The following TLR4 variants were observed in gnomAD, a reference collection of about 807,000 sequenced individuals.
TLR4 encodes toll-like receptor 4.
Under a neutral mutation model 27.4 loss-of-function variants are expected in TLR4, and 17 were observed. That is an observed-to-expected ratio of 0.62 (90% CI 0.42 to 0.93). TLR4 has a LOEUF of 0.93. Ranked by LOEUF, TLR4 falls within the 40% of genes least tolerant of loss-of-function variation. The pLI is 0.00. For synonymous variants in TLR4, 363 were observed against 365.7 expected, an observed-to-expected ratio of 0.99 and a Z score of 0.08; for missense variants, 926 against 962.3, an observed-to-expected ratio of 0.96 and a Z score of 0.50.
chr9:117,718,848 C>T lies in TLR4; in HGVS notation c.*4200C>T, dbSNP rs1369850423. The T allele has an allele frequency of 6.6e-6, 1 of 152,212 alleles. No homozygotes were observed. Among genetic ancestry groups the T allele is most frequent in the East Asian group, 1.9e-4 (1 of 5,192 alleles). The allele number at this position is 152,212 out of a possible 1,614,324, so 9.4% of individuals were successfully genotyped here. A position where few individuals can be genotyped will look rare whatever the true frequency, so the allele number is the denominator to read the frequency against. On this transcript the variant is annotated 3_prime_UTR_variant, in exon 3 of 3. Coordinates refer to ENST00000355622, the MANE Select transcript of TLR4 (RefSeq NM_138554.5). ...CTAAAGTAATTGCTATTTTTCCAGC[C>T]TGTGGAACCACAGAAGTGACTGTAA...
chr9:117,708,485 C>G, intron 1 of TLR4, 78 bp from the exon 2 acceptor site: 1 of 1,608,146 alleles, frequency 6.2e-7, no homozygotes, highest in South Asian at 1.1e-5. Context: ...AGGCCCCTCT[C>G]CACCATCTCT....
Position 117,723,608 on chromosome 9 carries a change from C to T in TLR4, c.*8960C>T, listed in dbSNP as rs1392791479. 2.0e-5 allele frequency: 3 copies of T among 152,112 alleles called. No individual in the cohort carries two copies. The highest frequency in any genetic ancestry group is 7.2e-5 in the African/African-American group (3 of 41,434). The allele number at this position is 152,112 out of a possible 1,614,324, so 9.4% of individuals were successfully genotyped here. A position where few individuals can be genotyped will look rare whatever the true frequency, so the allele number is the denominator to read the frequency against. On this transcript the variant is annotated 3_prime_UTR_variant, in exon 3 of 3. Coordinates refer to ENST00000355622, the MANE Select transcript of TLR4 (RefSeq NM_138554.5). ...AGTTATTATGATAACAGATTGAAAA[C>T]TCCTCCAAGGAGGAGTTTCTCTTTT...
rs762187595 is a variant in TLR4, at chr9:117,704,499, GACTCTGATCCCAGCC to G, written c.29_43del (p.Thr10_Ala14del). On this transcript the variant is annotated inframe_deletion, in exon 1 of 3. Transcript: ENST00000355622. ...TGATGTCTGCCTCGCGCCTGGCTGG[GACTCTGATCCCAGCC>G]ATGGCCTTCCTCTCCTGCGTGAGAC... 3.1e-6 allele frequency: 5 copies of G among 1,613,692 alleles called. No homozygotes were observed. The highest frequency in any genetic ancestry group is 4.2e-6 in the Non-Finnish European group (5 of 1,179,954).
At position 117,714,223 on chromosome 9, in the gene TLR4, G is replaced by A. The variant is rs776282454; in HGVS notation, c.2095G>A (p.Gly699Arg). 2 of 1,605,950 alleles carry A rather than the reference G, an allele frequency of 1.2e-6. No homozygotes were observed. The highest frequency in any genetic ancestry group is 1.7e-6 in the Non-Finnish European group (2 of 1,173,190). The change falls in exon 3 of 3, where the codon GGG (glycine) becomes AGG (arginine). Residue 699 changes from glycine (G) to arginine (R), a missense_variant. Coordinates refer to ENST00000355622, the MANE Select transcript of TLR4 (RefSeq NM_138554.5). Reference sequence around the variant, plus strand: ...TGAGCTAGTAAAGAATTTAGAAGAAGGGGTGCCTCCATTTCAGCTCTGCCT... The same window carrying A: ...TGAGCTAGTAAAGAATTTAGAAGAAAGGGTGCCTCCATTTCAGCTCTGCCT... ...RNELVKNLEE[G>R]VPPFQLCLHY...
chr9:117,714,666 C>T lies in TLR4; in HGVS notation c.*18C>T, dbSNP rs1287808873. ...CTATCTGAAGAGGAAAAATAAAAAC[C>T]TCCTGAGGCATTTCTTGCCCAGCTG... On this transcript the variant is annotated 3_prime_UTR_variant, in exon 3 of 3. Transcript: ENST00000355622. 6.2e-7 allele frequency: 1 copy of T among 1,607,892 alleles called. No individual in the cohort carries two copies.
At position 117,723,368 on chromosome 9, in the gene TLR4, T is replaced by C. The variant is rs1829443706; in HGVS notation, c.*8720T>C. 6.6e-6 allele frequency: 1 copy of C among 152,208 alleles called. No individual in the cohort carries two copies. The highest frequency in any genetic ancestry group is 1.5e-5 in the Non-Finnish European group (1 of 68,038). The allele number at this position is 152,208 out of a possible 1,614,324, so 9.4% of individuals were successfully genotyped here. On this transcript the variant is annotated 3_prime_UTR_variant, in exon 3 of 3. Transcript: ENST00000355622. ...TTAAGCTATCAACCCCATTGAGTTATAGGTGAAAGGCTGTGGAAACAAGAC... is the reference window on the plus strand; with the variant it reads ...TTAAGCTATCAACCCCATTGAGTTACAGGTGAAAGGCTGTGGAAACAAGAC...
chr9:117,713,137 T>A lies in TLR4; in HGVS notation c.1009T>A (p.Leu337Ile). The A allele has an allele frequency of 1.2e-6, 2 of 1,613,200 alleles. No homozygotes were observed. The highest frequency in any genetic ancestry group is 1.7e-6 in the Non-Finnish European group (2 of 1,179,388). ...TAATTTCGGATGGCAACATTTAGAA[T>A]TAGTTAACTGTAAATTTGGACAGTT... ...SYNFGWQHLE[L>I]VNCKFGQFPT... Residue 337 changes from leucine (L) to isoleucine (I), a missense_variant, in exon 3 of 3, where the codon TTA becomes ATA. Leu to Ile is a conservative substitution (Grantham distance 5, BLOSUM62 2). Coordinates refer to ENST00000355622, the MANE Select transcript of TLR4 (RefSeq NM_138554.5).
rs1213607100 is a variant in TLR4 at position 117,723,199 on chromosome 9, A to T, written c.*8551A>T. 6.6e-6 allele frequency: 1 copy of T among 152,194 alleles called. No individual in the cohort carries two copies. Among genetic ancestry groups the T allele is most frequent in the African/African-American group, 2.4e-5 (1 of 41,438 alleles). 9.4% of individuals were successfully genotyped at this position (152,194 alleles called of 1,614,324 possible). ...CTATGATTAGAGGTGTAACTTCATC[A>T]TCCAGATTTTCCAGCATCCTTAACA... is the stretch of plus-strand genomic sequence containing the variant. On this transcript the variant is annotated 3_prime_UTR_variant, in exon 3 of 3. Transcript: ENST00000355622.
chr9:117,708,072 A>G (rs1829165680), intron 1 of TLR4: 2 of 475,914 alleles, frequency 4.2e-6, no homozygotes, highest in Non-Finnish European at 5.6e-6. Context: ...TATCCTTCCA[A>G]TTTTAGTGTA....
At chr9:117,706,438 G>C (rs1031856378) in intron 1 of TLR4, among the ~76,000 whole-genome samples, 12 of 152,086 alleles carry the variant, frequency 7.9e-5, no homozygotes, top group South Asian at 2.1e-4. Context: ...CAGGATCATT[G>C]CTGGTTTTAT....
rs766151559 is a variant in TLR4, at chr9:117,713,674, T to A, written c.1546T>A (p.Phe516Ile). Residue 516 changes from phenylalanine to isoleucine, a missense_variant, in exon 3 of 3, where the codon TTT becomes ATT. Transcript: ENST00000355622. ...CQLEQLSPTA[F>I]NSLSSLQVLN... is the part of the protein sequence containing the mutation. ...ACTGGAGCAGTTGTCTCCAACAGCA[T>A]TTAACTCACTCTCCAGTCTTCAGGT... The A allele has an allele frequency of 1.2e-6, 2 of 1,614,056 alleles. No homozygotes were observed. The highest frequency in any genetic ancestry group is 2.7e-5 in the African/African-American group (2 of 75,052).
rs543264821 is a variant in TLR4 at position 117,707,471 on chromosome 9, T to C, written c.94-1092T>C. ...TACTGTAGCGGGCTTTTAAATAAAC[T>C]CTTTAAACACCTTATCTCATTTAAT... is the stretch of plus-strand genomic sequence containing the variant. On this transcript the variant is annotated intron_variant, in intron 1 of 2. Transcript: ENST00000355622. 2.6e-5 allele frequency among the ~76,000 whole-genome samples: 4 copies of C among 152,340 alleles called. No individual in the cohort carries two copies. In the South Asian group the frequency reaches 6.2e-4, roughly 24 times the overall value.
rs541563195 is a variant in TLR4 at position 117,722,240 on chromosome 9, C to T, written c.*7592C>T. On this transcript the variant is annotated 3_prime_UTR_variant, in exon 3 of 3. Transcript: ENST00000355622. ...TACTAAGATTCCAAAAATGACTTTC[C>T]CCTCTGAAAAACACAGGATTTCCTT... The T allele has an allele frequency of 2.0e-5, 3 of 152,242 alleles. No homozygotes were observed. The highest frequency in any genetic ancestry group is 7.2e-5 in the African/African-American group (3 of 41,534). 9.4% of individuals were successfully genotyped at this position (152,242 alleles called of 1,614,324 possible). A position where few individuals can be genotyped will look rare whatever the true frequency, so the allele number is the denominator to read the frequency against.
rs528786628 is a variant in TLR4 at position 117,723,658 on chromosome 9, A to G, written c.*9010A>G. 6.6e-6 allele frequency: 1 copy of G among 152,298 alleles called. No individual in the cohort carries two copies. The highest frequency in any genetic ancestry group is 2.1e-4 in the South Asian group (1 of 4,822). The allele number at this position is 152,298 out of a possible 1,614,324, so 9.4% of individuals were successfully genotyped here. A position where few individuals can be genotyped will look rare whatever the true frequency, so the allele number is the denominator to read the frequency against. On this transcript the variant is annotated 3_prime_UTR_variant, in exon 3 of 3. Coordinates refer to ENST00000355622, the MANE Select transcript of TLR4 (RefSeq NM_138554.5). ...TGCCCCATGTTATAAACTCAAGAAT[A>G]TCTTCCATTTTGCCTACATATTCCA... is the stretch of plus-strand genomic sequence containing the variant.
Position 117,721,530 on chromosome 9 carries a change from A to G in TLR4, c.*6882A>G, listed in dbSNP as rs1157667733. On this transcript the variant is annotated 3_prime_UTR_variant, in exon 3 of 3. Transcript: ENST00000355622. ...ATGGAAACCATATATGAAGATGACA[A>G]AGTTGAGCAGGTCCCAAACTCTCAC... is the stretch of plus-strand genomic sequence containing the variant. The G allele has an allele frequency of 6.6e-6, 1 of 152,230 alleles. No homozygotes were observed. Among genetic ancestry groups the G allele is most frequent in the Non-Finnish European group, 1.5e-5 (1 of 68,038 alleles). The allele number at this position is 152,230 out of a possible 1,614,324, so 9.4% of individuals were successfully genotyped here. A position where few individuals can be genotyped will look rare whatever the true frequency, so the allele number is the denominator to read the frequency against.
intron 2 of TLR4, among the ~76,000 whole-genome samples, chr9:117,711,136 C>T (rs1423375873): frequency 1.3e-5 from 2 of 152,142 alleles, no homozygotes; most frequent in Non-Finnish European, 2.9e-5. Context: ...ACTGCAGAAA[C>T]ACCAAACCCA....
At position 117,708,850 on chromosome 9, in the gene TLR4, A is replaced by G. The variant is rs770087720; in HGVS notation, c.260+121A>G. 5.5e-6 allele frequency: 7 copies of G among 1,272,956 alleles called. 1 individual carries two copies. The highest frequency in any genetic ancestry group is 7.9e-6 in the Non-Finnish European group (7 of 888,404). The allele number at this position is 1,272,956 out of a possible 1,614,324, so 78.9% of individuals were successfully genotyped here. A position where few individuals can be genotyped will look rare whatever the true frequency, so the allele number is the denominator to read the frequency against. On this transcript the variant is annotated intron_variant, in intron 2 of 2. Transcript: ENST00000355622. ...CTTCATTCACTTATTCATTCATACA[A>G]CAGATGTCTTATTAACTATATAACC...
rs1829338879 is a variant in TLR4, at chr9:117,715,943, C to T, written c.*1295C>T. 6.6e-6 allele frequency: 1 copy of T among 152,074 alleles called. No homozygotes were observed. The highest frequency in any genetic ancestry group is 1.5e-5 in the Non-Finnish European group (1 of 68,020). 9.4% of individuals were successfully genotyped at this position (152,074 alleles called of 1,614,324 possible). Reference sequence around the variant, plus strand: ...CCAGAAAAGAATGTTCATCCAGCCTCCTCAGAAACAGAACATTCAAGAAAA... The same window carrying T: ...CCAGAAAAGAATGTTCATCCAGCCTTCTCAGAAACAGAACATTCAAGAAAA... On this transcript the variant is annotated 3_prime_UTR_variant, in exon 3 of 3. Coordinates refer to ENST00000355622, the MANE Select transcript of TLR4 (RefSeq NM_138554.5).
chr9:117,707,440 CACTTAT>C (rs1284441365), intron 1 of TLR4, among the ~76,000 whole-genome samples: 1 of 152,150 alleles, frequency 6.6e-6, no homozygotes, highest in Non-Finnish European at 1.5e-5. Flanking sequence ...ATCTATTGAT[CACTTAT>C]ACTGTAGCGG....
Sources: allele counts gnomAD v4.1 joint callset (sites outside exome capture counted in the v4.1 genomes callset), GRCh38; gene constraint gnomAD v4.1.1; transcripts MANE v1.5; gene names NCBI Gene and HGNC (gene_info 2026-07-23, HGNC 2026-07-21).